TNS3: variants seen among roughly 807,000 people sequenced by gnomAD.
The protein encoded by TNS3 is tensin-3.
Under a neutral mutation model 140.9 loss-of-function variants are expected in TNS3, and 45 were observed. That is an observed-to-expected ratio of 0.32 (90% confidence interval 0.25 to 0.41). The LOEUF is 0.41. TNS3 is among the 10% of genes least tolerant of loss of function. The probability of loss-of-function intolerance (pLI) is 1.00; values close to 1 mark genes in which losing one functional copy is unlikely to be tolerated. For synonymous variants in TNS3, 815 were observed against 788.4 expected (o/e 1.03, Z -0.56); for missense variants, 1,716 against 1,906.7 (o/e 0.90, Z 1.86).
chr7:47,329,492 A>G (rs1441768480), intron 20 of TNS3, among the ~76,000 whole-genome samples: 1 of 151,844 alleles, frequency 6.6e-6, no homozygotes, highest in Non-Finnish European at 1.5e-5. Flanking sequence ...TCAATGCCCT[A>G]CCCCAAGAGG....
intron 10 of TNS3, among the ~76,000 whole-genome samples, chr7:47,417,317 G>C (rs115946545): frequency 6.6e-6 from 1 of 152,252 alleles, no homozygotes; most frequent in Non-Finnish European, 1.5e-5. Flanking sequence ...GATGTGGCCT[G>C]GCCGAAATTG....
intron 4 of TNS3, among the ~76,000 whole-genome samples, chr7:47,450,427 T>A (rs561525756): frequency 3.3e-5 from 5 of 152,222 alleles, no homozygotes; most frequent in Non-Finnish European, 5.9e-5. Flanking sequence ...TACACATGAC[T>A]ATAAACTGTG....
Position 47,277,040 on chromosome 7 carries a change from C to T in TNS3, c.*1036G>A, listed in dbSNP as rs191390400. 1 of 152,218 alleles carries T rather than the reference C, an allele frequency of 6.6e-6. No individual in the cohort carries two copies. Among genetic ancestry groups the T allele is most frequent in the African/African-American group, 2.4e-5 (1 of 41,446 alleles). The allele number at this position is 152,218 out of a possible 1,614,324, so 9.4% of individuals were successfully genotyped here. ...CATCAGAAAAGAAGTCATCCACAAT[C>T]GGGGAAAAACATTCCAATGAGTAAA... On this transcript the variant is annotated 3_prime_UTR_variant, in exon 31 of 31. Coordinates refer to ENST00000311160, the MANE Select transcript of TNS3 (RefSeq NM_022748.12).
chr7:47,552,444 G>A (rs1386185673), intron 1 of TNS3, among the ~76,000 whole-genome samples: 3 of 152,104 alleles, frequency 2.0e-5, no homozygotes, highest in Admixed American at 2.0e-4. Flanking sequence ...AAAGGTTTGT[G>A]GCAACCCCAC....
intron 20 of TNS3, 22 bp downstream of exon 20, chr7:47,344,733 G>T (rs759996460): frequency 9.3e-6 from 15 of 1,605,952 alleles, no homozygotes. Context: ...GCGCGCCTGT[G>T]ACCCGCGGGT....
chr7:47,568,403 A>T (rs1800477285), intron 1 of TNS3, among the ~76,000 whole-genome samples: 1 of 152,106 alleles, frequency 6.6e-6, no homozygotes. Flanking sequence ...CCAAGCTGAG[A>T]TGGTGGGCAA....
At chr7:47,324,069 C>A (rs761730930) in intron 20 of TNS3, among the ~76,000 whole-genome samples, 6 of 152,186 alleles carry the variant, frequency 3.9e-5, no homozygotes, top group Admixed American at 6.5e-5. Flanking sequence ...CAAACCTCAG[C>A]TCTATTTATG....
chr7:47,389,090 G>GTGGA lies in TNS3; in HGVS notation c.1024+7709_1024+7710insTCCA, dbSNP rs1562675376. Among the ~76,000 whole-genome samples, 5 of 78,726 alleles carry GTGGA rather than the reference G, an allele frequency of 6.4e-5. 1 individual carries two copies. The highest frequency in any genetic ancestry group is 2.8e-4 in the African/African-American group (5 of 17,834). 51.6% of individuals were successfully genotyped at this position (78,726 alleles called of 152,430 possible). On this transcript the variant is annotated intron_variant, in intron 16 of 30. Coordinates refer to ENST00000311160, the MANE Select transcript of TNS3 (RefSeq NM_022748.12). ...AGAAGAAGAAGAAGAAGAAGAGGAA[G>GTGGA]AGGAAGAGGAAGCGGAAGCAGAAGA...
At chr7:47,535,451 T>C (rs895191547) in intron 1 of TNS3, among the ~76,000 whole-genome samples, 3 of 152,360 alleles carry the variant, frequency 2.0e-5, no homozygotes, top group Middle Eastern at 3.4e-3. Flanking sequence ...ACGCTTCATC[T>C]GTACATAACA....
intron 1 of TNS3, among the ~76,000 whole-genome samples, chr7:47,567,488 T>C (rs1800454607): frequency 6.6e-6 from 1 of 151,810 alleles, no homozygotes; most frequent in Non-Finnish European, 1.5e-5. Context: ...ATCGAGACCA[T>C]CCTGGCTAAC....
chr7:47,458,641 A>G (rs1359843244), intron 4 of TNS3, among the ~76,000 whole-genome samples: 1 of 152,246 alleles, frequency 6.6e-6, no homozygotes. Context: ...CCACAGACGA[A>G]GCCTTCTGCA....
At chr7:47,448,092 G>A (rs1411962689) in intron 4 of TNS3, among the ~76,000 whole-genome samples, 1 of 152,234 alleles carries the variant, frequency 6.6e-6, no homozygotes, top group African/African-American at 2.4e-5. Context: ...CAAGGCCACT[G>A]CCAAAGCACA....
At position 47,481,116 on chromosome 7, in the gene TNS3, A is replaced by G; in HGVS notation, c.-89T>C. The G allele has an allele frequency of 1.6e-6, 2 of 1,289,850 alleles. No homozygotes were observed. The highest frequency in any genetic ancestry group is 2.0e-6 in the Non-Finnish European group (2 of 988,888). The allele number at this position is 1,289,850 out of a possible 1,614,324, so 79.9% of individuals were successfully genotyped here. Reference sequence around the variant, plus strand: ...CAAAGGGCTTACCTGTTCCAGTCGGACTTGCACACCGCAGGGAATCACCAC... The same window carrying G: ...CAAAGGGCTTACCTGTTCCAGTCGGGCTTGCACACCGCAGGGAATCACCAC... On this transcript the variant is annotated 5_prime_UTR_variant, in exon 4 of 31. Coordinates refer to ENST00000311160, the MANE Select transcript of TNS3 (RefSeq NM_022748.12).
In TNS3 at chr7:47,447,373, G is replaced by A. The variant is rs77039591; in HGVS notation, c.-75-5318C>T. Reference sequence around the variant, plus strand: ...GTGGGCGAGAGCAGACTAAGCGGCAGGAAGGCAAAAACACCTCTTTTGGGA... The same window carrying A: ...GTGGGCGAGAGCAGACTAAGCGGCAAGAAGGCAAAAACACCTCTTTTGGGA... On this transcript the variant is annotated intron_variant, in intron 4 of 30. Coordinates refer to ENST00000311160, the MANE Select transcript of TNS3 (RefSeq NM_022748.12). 2.7e-3 allele frequency among the ~76,000 whole-genome samples: 417 copies of A among 152,216 alleles called. 1 individual carries two copies. The highest frequency in any genetic ancestry group is 9.5e-3 in the African/African-American group (395 of 41,526).
At chr7:47,514,428 C>T (rs932793292) in intron 2 of TNS3, among the ~76,000 whole-genome samples, 2 of 152,192 alleles carry the variant, frequency 1.3e-5, no homozygotes, top group Non-Finnish European at 2.9e-5. Flanking sequence ...AAAGACAGGA[C>T]ACAAAACTCT....
chr7:47,289,878 A>T (rs1584321955), intron 27 of TNS3, among the ~76,000 whole-genome samples: 1 of 152,340 alleles, frequency 6.6e-6, no homozygotes, highest in South Asian at 2.1e-4. Context: ...TATTTTGTGG[A>T]TATTAACAAA....
At chr7:47,570,967 C>T (rs751893343) in intron 1 of TNS3, among the ~76,000 whole-genome samples, 3 of 152,162 alleles carry the variant, frequency 2.0e-5, no homozygotes, top group Non-Finnish European at 4.4e-5. Flanking sequence ...GGCCTCAGAA[C>T]AGAGGGCCAG....
rs568768699 is a variant in TNS3 at position 47,547,296 on chromosome 7, GAATT to G, written c.-264-18153_-264-18150del. On this transcript the variant is annotated intron_variant, in intron 1 of 30. Coordinates refer to ENST00000311160, the MANE Select transcript of TNS3 (RefSeq NM_022748.12). Reference sequence around the variant, plus strand: ...ATTGTGTTGACTTCAACTGGACTAAGAATTAAGAGAGATAAGGGGCCTGTGTCGG... The same window carrying G: ...ATTGTGTTGACTTCAACTGGACTAAGAAGAGAGATAAGGGGCCTGTGTCGG... Among the ~76,000 whole-genome samples, 417 of 152,226 alleles carry G rather than the reference GAATT, an allele frequency of 2.7e-3. 1 individual carries two copies. The highest frequency in any genetic ancestry group is 4.6e-3 in the Non-Finnish European group (316 of 68,014).
intron 1 of TNS3, among the ~76,000 whole-genome samples, chr7:47,574,002 G>A (rs1484327986): frequency 1.3e-5 from 2 of 151,810 alleles, no homozygotes; most frequent in Non-Finnish European, 2.9e-5. Context: ...CACAAGAACC[G>A]CCTCACTCCA....
Sources: gnomAD v4.1 joint callset for allele counts (sites outside exome capture counted in the v4.1 genomes callset) on GRCh38, gnomAD v4.1.1 for gene constraint, MANE v1.5 for transcripts, NCBI Gene and HGNC (gene_info 2026-07-23, HGNC 2026-07-21) for gene names.